STIM1: variants seen among roughly 807,000 people sequenced by gnomAD.
STIM1 encodes the protein stromal interaction molecule 1.
Under a neutral mutation model 74.7 loss-of-function variants are expected in STIM1, and 25 were observed. That is an observed-to-expected ratio of 0.33 (90% CI 0.24 to 0.47). The LOEUF is 0.47. STIM1 is among the 20% of genes least tolerant of loss of function. The pLI is 1.00. For synonymous variants in STIM1, 328 were observed against 348.8 expected, an observed-to-expected ratio of 0.94 and a Z score of 0.66; for missense variants, 728 against 920.8, an observed-to-expected ratio of 0.79 and a Z score of 2.71.
intron 1 of STIM1, among the ~76,000 whole-genome samples, chr11:3,964,215 G>C (rs1427613399): frequency 2.0e-5 from 3 of 152,202 alleles, no homozygotes; most frequent in Non-Finnish European, 4.4e-5. Context: ...GTTGCTAAAT[G>C]CATGGCTCTT....
At chr11:4,045,017 A>C (rs2094179171) in intron 3 of STIM1, among the ~76,000 whole-genome samples, 1 of 152,200 alleles carries the variant, frequency 6.6e-6, no homozygotes, top group South Asian at 2.1e-4. Flanking sequence ...GCAGAGGCTC[A>C]GAAACTCTGG....
intron 1 of STIM1, among the ~76,000 whole-genome samples, chr11:3,948,092 T>C (rs2093101386): frequency 6.6e-6 from 1 of 152,172 alleles, no homozygotes; most frequent in Non-Finnish European, 1.5e-5. Flanking sequence ...TCTTATGAGG[T>C]GGTCCGTTGG....
At chr11:4,019,938 C>G (rs1281821587) in intron 2 of STIM1, among the ~76,000 whole-genome samples, 1 of 152,154 alleles carries the variant, frequency 6.6e-6, no homozygotes, top group Admixed American at 6.5e-5. Flanking sequence ...ACCAATCTCT[C>G]CCCATCTCCC....
chr11:4,030,990 C>T (rs2094045106), intron 3 of STIM1, among the ~76,000 whole-genome samples: 2 of 152,136 alleles, frequency 1.3e-5, no homozygotes, highest in Non-Finnish European at 1.5e-5. Flanking sequence ...AATTGTGAAA[C>T]CATCACTGCA....
chr11:4,015,192 T>C (rs1187686716), intron 2 of STIM1, among the ~76,000 whole-genome samples: 2 of 152,242 alleles, frequency 1.3e-5, no homozygotes, highest in African/African-American at 2.4e-5. Context: ...TGGTACTGGT[T>C]GTCCTTTCCA....
rs555151614 is a variant in STIM1, at chr11:4,074,635, A to C, written c.925A>C (p.Asn309His). ...GAAGGAGCTGCGGGAGGGTACTGAG[A>C]ATGAGCGGAGCCGCCAAAAATATGC... ...RLKELREGTE[N>H]ERSRQKYAEE... Residue 309 changes from asparagine (N) to histidine (H), a missense_variant, in exon 7 of 13, where the codon AAT becomes CAT. Around this residue, in one of 5 missense-constraint regions of STIM1, gnomAD observed 131 missense variants for 235.9 expected, o/e 0.56. Coordinates refer to ENST00000526596, the MANE Select transcript of STIM1 (RefSeq NM_001382567.1). The C allele has an allele frequency of 6.3e-7, 1 of 1,594,402 alleles. No homozygotes were observed. The highest frequency in any genetic ancestry group is 1.3e-5 in the African/African-American group (1 of 74,668).
intron 1 of STIM1, among the ~76,000 whole-genome samples, chr11:3,863,591 A>C: frequency 6.6e-6 from 1 of 152,146 alleles, no homozygotes; most frequent in East Asian, 1.9e-4. Flanking sequence ...AAATTCCAGA[A>C]ATAATTCATA....
At chr11:3,981,180 G>A (rs773518923) in intron 2 of STIM1, among the ~76,000 whole-genome samples, 34 of 152,132 alleles carry the variant, frequency 2.2e-4, no homozygotes, top group Middle Eastern at 6.8e-3. Flanking sequence ...CATCTGCCTC[G>A]GGCTCCCAAA....
chr11:3,953,657 C>A (rs937631412), intron 1 of STIM1, among the ~76,000 whole-genome samples: 1 of 152,158 alleles, frequency 6.6e-6, no homozygotes, highest in Non-Finnish European at 1.5e-5. Flanking sequence ...GCCTTTGAGG[C>A]CCTCCAAATC....
chr11:4,005,473 CGCAA>C (rs1208165404), intron 2 of STIM1, among the ~76,000 whole-genome samples: 1 of 150,912 alleles, frequency 6.6e-6, no homozygotes, highest in Non-Finnish European at 1.5e-5. Context: ...AGTAAACTAT[CGCAA>C]GGACAAAAAA....
chr11:4,084,325 G>A (rs371928190), intron 10 of STIM1, among the ~76,000 whole-genome samples: 3 of 152,274 alleles, frequency 2.0e-5, no homozygotes, highest in East Asian at 3.9e-4. Context: ...CTGGGTTAGG[G>A]GCTTACTTTC....
At chr11:4,035,524 T>C (rs2132951563) in intron 3 of STIM1, among the ~76,000 whole-genome samples, 1 of 152,262 alleles carries the variant, frequency 6.6e-6, no homozygotes, top group Non-Finnish European at 1.5e-5. Context: ...GGATGAAATG[T>C]TGTGCTTTTT....
At chr11:3,963,804 G>A (rs1424320144) in intron 1 of STIM1, among the ~76,000 whole-genome samples, 1 of 152,196 alleles carries the variant, frequency 6.6e-6, no homozygotes, top group East Asian at 1.9e-4. Flanking sequence ...ACAGGCTGCT[G>A]TCAGAGTCTT....
At chr11:3,964,900 A>G (rs572818659) in intron 1 of STIM1, among the ~76,000 whole-genome samples, 3 of 151,884 alleles carry the variant, frequency 2.0e-5, no homozygotes, top group Non-Finnish European at 4.4e-5. Context: ...AATTTTTTAA[A>G]TTTTTGTAAA....
At chr11:4,070,862 C>T (rs1565166848) in intron 6 of STIM1, among the ~76,000 whole-genome samples, 1 of 152,150 alleles carries the variant, frequency 6.6e-6, no homozygotes, top group Non-Finnish European at 1.5e-5. Flanking sequence ...TCAGTCAGTC[C>T]TGACGTCTAG....
chr11:3,974,502 T>A, intron 2 of STIM1, among the ~76,000 whole-genome samples: 1 of 140,904 alleles, frequency 7.1e-6, no homozygotes, highest in Non-Finnish European at 1.5e-5. Context: ...ATAGGGAGAC[T>A]CTATCTCTAC....
At position 3,856,363 on chromosome 11, in the gene STIM1, G is replaced by C; in HGVS notation, c.93G>C (p.Ala31=). 1 of 1,614,184 alleles carries C rather than the reference G, an allele frequency of 6.2e-7. No individual in the cohort carries two copies. The highest frequency in any genetic ancestry group is 8.5e-7 in the Non-Finnish European group (1 of 1,180,034). ...QSLSHSHSEK[A]TGTSSGANSE... is the part of the protein sequence containing the mutation. ...TCAGCCATAGTCACAGTGAGAAGGCGACAGGAACCAGCTCGGGGGCCAACT... is the reference window on the plus strand; with the variant it reads ...TCAGCCATAGTCACAGTGAGAAGGCCACAGGAACCAGCTCGGGGGCCAACT... Residue 31 remains alanine (A), a synonymous_variant, in exon 1 of 13, where the codon GCG becomes GCC. Transcript: ENST00000526596.
chr11:4,055,975 T>C (rs140265519), intron 4 of STIM1, among the ~76,000 whole-genome samples: 124 of 152,332 alleles, frequency 8.1e-4, no homozygotes, highest in African/African-American at 3.0e-3. Flanking sequence ...TTATTGTATA[T>C]AGATGATGAA....
intron 1 of STIM1, among the ~76,000 whole-genome samples, chr11:3,895,620 T>C (rs201387265): frequency 0.017 from 73 of 4,356 alleles, 3 homozygotes; most frequent in South Asian, 0.092. Flanking sequence ...CTTTCTTTCT[T>C]TCTTTCTTTC....
Sources: allele counts gnomAD v4.1 joint callset (sites outside exome capture counted in the v4.1 genomes callset), GRCh38; gene constraint gnomAD v4.1.1; regional missense constraint gnomAD v4.1.1; transcripts MANE v1.5; gene names NCBI Gene and HGNC (gene_info 2026-07-23, HGNC 2026-07-21).